GRID2: variants seen among roughly 807,000 people sequenced by gnomAD.
GRID2 encodes the protein glutamate receptor ionotropic, delta-2.
Under a neutral mutation model 114.8 loss-of-function variants are expected in GRID2, and 33 were observed. The observed-to-expected ratio is 0.29, with a 90% CI of 0.22 to 0.38. The LOEUF (loss-of-function observed/expected upper bound fraction) is 0.38, where lower values mean the gene tolerates loss of function less well. Among genes scored for constraint, GRID2 ranks in the 10% least tolerant of loss-of-function variants. The pLI is 1.00. For synonymous variants in GRID2, 505 were observed against 449.9 expected, an observed-to-expected ratio of 1.12 and a Z score of -1.55; for missense variants, 1,184 against 1,257.7, an observed-to-expected ratio of 0.94 and a Z score of 0.89.
intron 1 of GRID2, among the ~76,000 whole-genome samples, chr4:92,449,291 C>T (rs1260608746): frequency 6.6e-6 from 1 of 151,964 alleles, no homozygotes; most frequent in Non-Finnish European, 1.5e-5. Flanking sequence ...CCATAACTTA[C>T]AGTGCTGCCA....
intron 2 of GRID2, among the ~76,000 whole-genome samples, chr4:92,900,826 T>G (rs1409226873): frequency 8.6e-6 from 1 of 116,030 alleles, no homozygotes; most frequent in Admixed American, 1.1e-4. Flanking sequence ...AGAGTGAGAC[T>G]TCGTCTCAAA....
At chr4:92,847,800 G>C (rs773544101) in intron 2 of GRID2, among the ~76,000 whole-genome samples, 2 of 151,802 alleles carry the variant, frequency 1.3e-5, no homozygotes, top group African/African-American at 2.4e-5. Flanking sequence ...AGTGGCAAAC[G>C]AACAAATCGT....
rs144877524 is a variant in GRID2, at chr4:93,588,149, C to A, written c.2194-38120C>A. Among the ~76,000 whole-genome samples the A allele has an allele frequency of 3.9e-3, 590 of 151,984 alleles. 2 individuals carry two copies. The highest frequency in any genetic ancestry group is 0.014 in the African/African-American group (566 of 41,454). On this transcript the variant is annotated intron_variant, in intron 13 of 15. Transcript: ENST00000282020. ...TCAAGAACTTGTAAAGTTGTACTTA[C>A]ATGTTATATGGTAAATTTTAAGAGG...
intron 1 of GRID2, among the ~76,000 whole-genome samples, chr4:92,359,214 T>C (rs1257321805): frequency 6.6e-6 from 1 of 151,984 alleles, no homozygotes; most frequent in Non-Finnish European, 1.5e-5. Context: ...TGTTCTCATG[T>C]GACTTCTATT....
At chr4:92,837,614 T>C (rs149091153) in intron 2 of GRID2, among the ~76,000 whole-genome samples, 355 of 152,236 alleles carry the variant, frequency 2.3e-3, no homozygotes, top group African/African-American at 7.1e-3. Context: ...AAAAATGTTT[T>C]TGGTGTTCAG....
intron 12 of GRID2, among the ~76,000 whole-genome samples, chr4:93,493,763 A>T (rs1475559798): frequency 6.6e-6 from 1 of 151,856 alleles, no homozygotes; most frequent in Admixed American, 6.6e-5. Flanking sequence ...GTAAAACCTG[A>T]TGGAAAAAGA....
At chr4:92,330,276 C>T (rs1260374851) in intron 1 of GRID2, among the ~76,000 whole-genome samples, 1 of 152,092 alleles carries the variant, frequency 6.6e-6, no homozygotes, top group East Asian at 1.9e-4. Context: ...CCCTGAATAT[C>T]CTGACAACAT....
chr4:93,652,603 C>T (rs574314281), intron 14 of GRID2, among the ~76,000 whole-genome samples: 1 of 151,898 alleles, frequency 6.6e-6, no homozygotes, highest in South Asian at 2.1e-4. Context: ...TGTGTAACTA[C>T]ACTCCATAAT....
At chr4:93,353,307 A>G (rs1264418337) in intron 8 of GRID2, among the ~76,000 whole-genome samples, 5 of 152,040 alleles carry the variant, frequency 3.3e-5, no homozygotes, top group African/African-American at 1.2e-4. Context: ...AGTACCAGGA[A>G]CCCTGGAAAA....
At chr4:92,418,756 A>T (rs1387875582) in intron 1 of GRID2, among the ~76,000 whole-genome samples, 1 of 152,048 alleles carries the variant, frequency 6.6e-6, no homozygotes, top group African/African-American at 2.4e-5. Flanking sequence ...CATTAGGTTA[A>T]TGTTTGTTTA....
chr4:92,656,764 G>A (rs1181860698), intron 2 of GRID2, among the ~76,000 whole-genome samples: 1 of 151,678 alleles, frequency 6.6e-6, no homozygotes, highest in Non-Finnish European at 1.5e-5. Context: ...TGCTTCTTGA[G>A]AGAATATTAA....
At chr4:92,715,406 C>T (rs924298865) in intron 2 of GRID2, among the ~76,000 whole-genome samples, 4 of 152,170 alleles carry the variant, frequency 2.6e-5, no homozygotes, top group African/African-American at 9.7e-5. Context: ...GTTCTAACTT[C>T]TGCCTGTCAC....
At chr4:92,399,957 G>A (rs1730707687) in intron 1 of GRID2, among the ~76,000 whole-genome samples, 1 of 152,032 alleles carries the variant, frequency 6.6e-6, no homozygotes, top group South Asian at 2.1e-4. Context: ...TTCAGAGCTG[G>A]AAAAGATTTT....
intron 3 of GRID2, among the ~76,000 whole-genome samples, chr4:93,109,309 A>G (rs1208705960): frequency 1.3e-5 from 2 of 152,236 alleles, no homozygotes; most frequent in Non-Finnish European, 2.9e-5. Flanking sequence ...GATAGAATTT[A>G]TACAGTATAT....
At chr4:93,632,040 T>C (rs1052527792) in intron 14 of GRID2, among the ~76,000 whole-genome samples, 2 of 152,242 alleles carry the variant, frequency 1.3e-5, no homozygotes, top group African/African-American at 4.8e-5. Context: ...GTTCATATCC[T>C]TCACCCACTT....
chr4:93,345,569 A>AT (rs2149252950), intron 8 of GRID2, among the ~76,000 whole-genome samples: 1 of 151,896 alleles, frequency 6.6e-6, no homozygotes, highest in East Asian at 1.9e-4. Flanking sequence ...GTTTGCAAGT[A>AT]TTTTTTTCCC....
intron 1 of GRID2, among the ~76,000 whole-genome samples, chr4:92,328,144 A>C (rs1352461091): frequency 6.6e-6 from 1 of 152,046 alleles, no homozygotes; most frequent in African/African-American, 2.4e-5. Flanking sequence ...CACATTCAAG[A>C]GGGAGAATGA....
intron 2 of GRID2, chr4:92,838,676 T>A (rs1742652569): frequency 6.6e-6 from 1 of 152,068 alleles, no homozygotes; most frequent in Non-Finnish European, 1.5e-5. Flanking sequence ...ATGGAGAAAA[T>A]GACATGGAAG....
chr4:93,701,817 C>T (rs575122104), intron 14 of GRID2, among the ~76,000 whole-genome samples: 29 of 151,892 alleles, frequency 1.9e-4, no homozygotes, highest in Non-Finnish European at 3.2e-4. Flanking sequence ...AGTAAAACCC[C>T]ATCTCTAAAA....
Sources: gnomAD v4.1 joint callset for allele counts (sites outside exome capture counted in the v4.1 genomes callset) on GRCh38, gnomAD v4.1.1 for gene constraint, MANE v1.5 for transcripts, NCBI Gene and HGNC (gene_info 2026-07-23, HGNC 2026-07-21) for gene names.